The following TENM4 variants were observed in gnomAD, a reference collection of about 807,000 sequenced individuals.
The protein encoded by TENM4 is teneurin transmembrane protein 4.
In TENM4, 82 loss-of-function variants were observed where a neutral mutation model predicts 243.3. The observed-to-expected ratio is 0.34, with a 90% CI of 0.28 to 0.40. TENM4 has a LOEUF of 0.40. Ranked by LOEUF, TENM4 falls within the 10% of genes least tolerant of loss-of-function variation. The probability of loss-of-function intolerance (pLI) is 1.00; values close to 1 mark genes in which losing one functional copy is unlikely to be tolerated. For synonymous variants in TENM4, 1,412 were observed against 1,456.3 expected (o/e 0.97, Z 0.69); for missense variants, 3,138 against 3,673.3 (o/e 0.85, Z 3.77).
Position 79,134,841 on chromosome 11 carries a change from A to G in TENM4, c.-66+13869T>C, listed in dbSNP as rs559846676. Reference sequence around the variant, plus strand: ...TCATCTCTCACTTATACAAAAATCAACTCAAGATGGATTAAGGACTTAAAT... The same window carrying G: ...TCATCTCTCACTTATACAAAAATCAGCTCAAGATGGATTAAGGACTTAAAT... On this transcript the variant is annotated intron_variant, in intron 4 of 33. Transcript: ENST00000278550. Among the ~76,000 whole-genome samples the G allele has an allele frequency of 2.0e-5, 3 of 152,284 alleles. No individual in the cohort carries two copies. The East Asian group carries it at 5.8e-4, about 29-fold the overall frequency.
At position 78,658,055 on chromosome 11, in the gene TENM4, C is replaced by G. The variant is rs1326053090; in HGVS notation, c.*3G>C. The G allele has an allele frequency of 6.2e-7, 1 of 1,611,796 alleles. No homozygotes were observed. Among genetic ancestry groups the G allele is most frequent in the Middle Eastern group, 1.6e-4 (1 of 6,062 alleles). On this transcript the variant is annotated 3_prime_UTR_variant, in exon 34 of 34. Transcript: ENST00000278550. ...TTTGGCAAGAAGTCCTTGGTCCTCT[C>G]TGTCACCTCCGGCCCATCTCGCTCT...
chr11:78,734,686 C>T (rs1320331756), intron 20 of TENM4, among the ~76,000 whole-genome samples: 2 of 152,108 alleles, frequency 1.3e-5, no homozygotes, highest in Non-Finnish European at 2.9e-5. Flanking sequence ...ACTTCACCTC[C>T]CCCACACAGC....
intron 4 of TENM4, among the ~76,000 whole-genome samples, chr11:79,113,529 T>A (rs1031294649): frequency 6.6e-6 from 1 of 151,770 alleles, no homozygotes; most frequent in Non-Finnish European, 1.5e-5. Flanking sequence ...AGTCTCTTAC[T>A]CTCAAGGACA....
chr11:79,076,734 T>C (rs561286648), intron 4 of TENM4, among the ~76,000 whole-genome samples: 3 of 152,274 alleles, frequency 2.0e-5, no homozygotes, highest in South Asian at 2.1e-4. Flanking sequence ...CTGGTGGTGA[T>C]GGTGATCAGG....
At chr11:78,986,323 A>G (rs79771756) in intron 6 of TENM4, among the ~76,000 whole-genome samples, 12,780 of 152,188 alleles carry the variant, frequency 0.084, 1,640 homozygotes, top group African/African-American at 0.28. Flanking sequence ...ACACTGAGCT[A>G]AGTGATTTTA....
At chr11:78,691,315 T>C (rs934235209) in intron 28 of TENM4, among the ~76,000 whole-genome samples, 1 of 152,188 alleles carries the variant, frequency 6.6e-6, no homozygotes, top group Non-Finnish European at 1.5e-5. Context: ...TTCACCAGCA[T>C]TGGAACTGGC....
intron 21 of TENM4, among the ~76,000 whole-genome samples, chr11:78,731,310 C>T (rs747454797): frequency 2.0e-5 from 3 of 152,152 alleles, no homozygotes; most frequent in Non-Finnish European, 2.9e-5. Context: ...AGGAGACAGG[C>T]GCTGAATCTC....
intron 4 of TENM4, among the ~76,000 whole-genome samples, chr11:79,073,889 G>A (rs188582627): frequency 1.1e-4 from 17 of 152,324 alleles, no homozygotes; most frequent in Admixed American, 6.5e-4. Flanking sequence ...AGAAAGCTAC[G>A]GGTAAGTGTC....
At chr11:79,086,163 A>G (rs1860806973) in intron 4 of TENM4, among the ~76,000 whole-genome samples, 2 of 152,178 alleles carry the variant, frequency 1.3e-5, no homozygotes, top group South Asian at 4.1e-4. Flanking sequence ...CCAAGCGGAT[A>G]TTAGCAAACT....
At chr11:78,992,482 T>C (rs1858070672) in intron 6 of TENM4, among the ~76,000 whole-genome samples, 1 of 152,212 alleles carries the variant, frequency 6.6e-6, no homozygotes, top group South Asian at 2.1e-4. Context: ...CATAGCTCAT[T>C]CATCTCAGGA....
chr11:78,886,019 A>C (rs1048055545), intron 9 of TENM4, among the ~76,000 whole-genome samples: 8 of 152,212 alleles, frequency 5.3e-5, no homozygotes, highest in Admixed American at 4.6e-4. Flanking sequence ...ACAGCAAAAG[A>C]AAAACTATTT....
chr11:78,972,272 G>C (rs1185258168), intron 6 of TENM4, among the ~76,000 whole-genome samples: 1 of 152,006 alleles, frequency 6.6e-6, no homozygotes, highest in Non-Finnish European at 1.5e-5. Context: ...AATCTTGTGG[G>C]TCTTACTCCC....
intron 6 of TENM4, among the ~76,000 whole-genome samples, chr11:78,950,031 C>T (rs936027041): frequency 1.3e-5 from 2 of 151,894 alleles, no homozygotes; most frequent in Non-Finnish European, 2.9e-5. Flanking sequence ...GCAGGGTCAG[C>T]AGAGGCCTCC....
chr11:79,320,982 T>C (rs1324724117), intron 1 of TENM4, among the ~76,000 whole-genome samples: 1 of 152,230 alleles, frequency 6.6e-6, no homozygotes, highest in Non-Finnish European at 1.5e-5. Flanking sequence ...GAAGCATCCC[T>C]GATTCACAGC....
chr11:78,785,452 C>T (rs1039249721), intron 16 of TENM4, among the ~76,000 whole-genome samples: 4 of 152,150 alleles, frequency 2.6e-5, no homozygotes, highest in East Asian at 3.9e-4. Context: ...AGGACTTTAT[C>T]GTGCAAGGGC....
chr11:79,339,158 G>T (rs899046323), intron 1 of TENM4, among the ~76,000 whole-genome samples: 7 of 152,176 alleles, frequency 4.6e-5, no homozygotes, highest in African/African-American at 1.4e-4. Flanking sequence ...TGTTGGACGG[G>T]GCTGTCCTTT....
At chr11:79,173,381 G>A (rs1055949490) in intron 3 of TENM4, among the ~76,000 whole-genome samples, 1 of 151,998 alleles carries the variant, frequency 6.6e-6, no homozygotes, top group African/African-American at 2.4e-5. Flanking sequence ...GTTATTCTCG[G>A]TTGAGTCTCA....
At chr11:79,150,609 C>T (rs1444044677) in intron 3 of TENM4, among the ~76,000 whole-genome samples, 1 of 152,128 alleles carries the variant, frequency 6.6e-6, no homozygotes, top group Admixed American at 6.5e-5. Flanking sequence ...GGGATGTTGT[C>T]ACTGCATATT....
Position 79,205,518 on chromosome 11 carries a change from C to A in TENM4, c.-163+10290G>T, listed in dbSNP as rs1039664336. Among the ~76,000 whole-genome samples, 8 of 152,214 alleles carry A rather than the reference C, an allele frequency of 5.3e-5. No homozygotes were observed. The East Asian group carries it at 1.2e-3, about 22-fold the overall frequency. Reference sequence around the variant, plus strand: ...GGTCCTCAACTCCATCAGCCACTCACCTCATTTCTAAAATTTTGTCATTTC... The same window carrying A: ...GGTCCTCAACTCCATCAGCCACTCAACTCATTTCTAAAATTTTGTCATTTC... On this transcript the variant is annotated intron_variant, in intron 3 of 33. Coordinates refer to ENST00000278550, the MANE Select transcript of TENM4 (RefSeq NM_001098816.3).
Sources: allele counts gnomAD v4.1 joint callset (sites outside exome capture counted in the v4.1 genomes callset), GRCh38; gene constraint gnomAD v4.1.1; transcripts MANE v1.5; gene names NCBI Gene and HGNC (gene_info 2026-07-23, HGNC 2026-07-21).